The following SGCZ variants were observed in gnomAD, a reference collection of about 807,000 sequenced individuals.
The protein encoded by SGCZ is sarcoglycan zeta.
SGCZ carries 40 observed loss-of-function variants against 41.3 expected under a neutral mutation model. The observed-to-expected ratio is 0.97, with a 90% confidence interval of 0.75 to 1.26. The LOEUF (loss-of-function observed/expected upper bound fraction) is 1.26, where lower values mean the gene tolerates loss of function less well. SGCZ is among the 50% of genes most tolerant of loss of function. The pLI is 0.00. For missense variants in SGCZ, 552 were observed against 369.8 expected (o/e 1.49, Z -4.04); for synonymous variants, 206 against 137.5 (o/e 1.50, Z -3.49).
chr8:15,086,060 A>G (rs1165995584), intron 1 of SGCZ, among the ~76,000 whole-genome samples: 1 of 152,208 alleles, frequency 6.6e-6, no homozygotes, highest in Non-Finnish European at 1.5e-5. Context: ...GTGAAATGTA[A>G]TCGATTTCCA....
intron 1 of SGCZ, among the ~76,000 whole-genome samples, chr8:14,919,152 A>G (rs1414459446): frequency 6.6e-6 from 1 of 152,194 alleles, no homozygotes; most frequent in Non-Finnish European, 1.5e-5. Context: ...AATAAATACA[A>G]TTAAGGCCAG....
intron 2 of SGCZ, among the ~76,000 whole-genome samples, chr8:14,494,672 G>C (rs1439493534): frequency 6.6e-6 from 1 of 152,112 alleles, no homozygotes; most frequent in South Asian, 2.1e-4. Flanking sequence ...TCAAATAGTA[G>C]CATTTGAGAA....
chr8:14,187,390 A>C (rs546594699), intron 4 of SGCZ, among the ~76,000 whole-genome samples: 1 of 152,352 alleles, frequency 6.6e-6, no homozygotes, highest in East Asian at 1.9e-4. Context: ...GAATGAGCAA[A>C]TGTCAGACTT....
chr8:15,035,301 T>C (rs915669330), intron 1 of SGCZ, among the ~76,000 whole-genome samples: 1 of 152,124 alleles, frequency 6.6e-6, no homozygotes, highest in African/African-American at 2.4e-5. Context: ...TATAAAATGC[T>C]TTATATAAGC....
rs367809070 is a variant in SGCZ at position 14,931,527 on chromosome 8, T to C, written c.39+306058A>G. Among the ~76,000 whole-genome samples, 30 of 152,074 alleles carry C rather than the reference T, an allele frequency of 2.0e-4. 1 individual carries two copies. Among genetic ancestry groups the C allele is most frequent in the African/African-American group, 7.0e-4 (29 of 41,396 alleles). The stretch of plus-strand genomic sequence containing the variant: ...AATCAAGAGCAATAACAAAATGACA[T>C]GCAGCATAACCTTGAATTTTTTAGC... On this transcript the variant is annotated intron_variant, in intron 1 of 7. Transcript: ENST00000382080.
intron 3 of SGCZ, among the ~76,000 whole-genome samples, chr8:14,265,238 G>C (rs2117246378): frequency 6.6e-6 from 1 of 152,120 alleles, no homozygotes; most frequent in East Asian, 1.9e-4. Flanking sequence ...CAAGGCGGCA[G>C]TGTTTACCCT....
At chr8:14,239,774 C>T (rs1798797054) in intron 3 of SGCZ, among the ~76,000 whole-genome samples, 5 of 148,502 alleles carry the variant, frequency 3.4e-5, no homozygotes, top group Admixed American at 2.0e-4. Flanking sequence ...TAGTGGCGGG[C>T]GCCTGTAGTC....
intron 1 of SGCZ, among the ~76,000 whole-genome samples, chr8:14,836,338 A>T (rs1786735918): frequency 6.6e-6 from 1 of 152,204 alleles, no homozygotes; most frequent in African/African-American, 2.4e-5. Flanking sequence ...TCATAAGATT[A>T]TTGGGAGAAT....
At chr8:14,953,378 GC>G (rs1018818638) in intron 1 of SGCZ, among the ~76,000 whole-genome samples, 2 of 152,100 alleles carry the variant, frequency 1.3e-5, no homozygotes, top group Non-Finnish European at 1.5e-5. Flanking sequence ...GGGGAAATCT[GC>G]CCCCATGATT....
intron 1 of SGCZ, among the ~76,000 whole-genome samples, chr8:15,236,129 C>T (rs1209884748): frequency 7.2e-5 from 11 of 152,224 alleles, no homozygotes; most frequent in Admixed American, 7.2e-4. Flanking sequence ...CCAGGGAACT[C>T]AGTCTTCGGT....
intron 1 of SGCZ, among the ~76,000 whole-genome samples, chr8:14,664,996 G>A (rs1266862986): frequency 6.6e-6 from 1 of 152,016 alleles, no homozygotes; most frequent in Non-Finnish European, 1.5e-5. Context: ...TTTAGGTGGG[G>A]GAATAAATGG....
At chr8:15,233,407 G>C (rs1401349792) in intron 1 of SGCZ, among the ~76,000 whole-genome samples, 1 of 150,650 alleles carries the variant, frequency 6.6e-6, no homozygotes. Flanking sequence ...TTAAATTGTA[G>C]ATGAATGTAC....
chr8:14,746,280 G>T (rs1375886721), intron 1 of SGCZ, among the ~76,000 whole-genome samples: 3 of 152,014 alleles, frequency 2.0e-5, no homozygotes, highest in African/African-American at 7.2e-5. Flanking sequence ...TTATACACAA[G>T]ATTTTTCACG....
chr8:15,000,523 C>T lies in SGCZ; in HGVS notation c.39+237062G>A, dbSNP rs182403598. Among the ~76,000 whole-genome samples, 351 of 152,246 alleles carry T rather than the reference C, an allele frequency of 2.3e-3. 1 individual carries two copies. The highest frequency in any genetic ancestry group is 3.8e-3 in the Non-Finnish European group (259 of 68,012). On this transcript the variant is annotated intron_variant, in intron 1 of 7. Coordinates refer to ENST00000382080, the MANE Select transcript of SGCZ (RefSeq NM_139167.4). ...AAGTTGAGCTGCAGACATAGACAAG[C>T]AAGCTAGGAGCTTGCATGGGTGAGT... is the stretch of plus-strand genomic sequence containing the variant.
At chr8:14,590,140 A>T (rs2117282304) in intron 1 of SGCZ, among the ~76,000 whole-genome samples, 1 of 152,230 alleles carries the variant, frequency 6.6e-6, no homozygotes, top group African/African-American at 2.4e-5. Context: ...AAGTATTTTT[A>T]TATTTTTACA....
chr8:15,176,569 A>G (rs1800006575), intron 1 of SGCZ, among the ~76,000 whole-genome samples: 1 of 152,266 alleles, frequency 6.6e-6, no homozygotes, highest in African/African-American at 2.4e-5. Flanking sequence ...AATATTTCAT[A>G]GAAGAATTAT....
At chr8:14,387,156 T>C (rs1319481264) in intron 2 of SGCZ, among the ~76,000 whole-genome samples, 1 of 152,178 alleles carries the variant, frequency 6.6e-6, no homozygotes, top group Non-Finnish European at 1.5e-5. Flanking sequence ...CAAGTGATCC[T>C]CCTGCCTCAG....
At chr8:14,679,881 A>T (rs77185144) in intron 1 of SGCZ, among the ~76,000 whole-genome samples, 30,106 of 151,606 alleles carry the variant, frequency 0.2, 3,618 homozygotes, top group East Asian at 0.44. Context: ...GATACTATAT[A>T]TTTTTTATTT....
At chr8:14,304,266 A>T (rs1237683033) in intron 3 of SGCZ, among the ~76,000 whole-genome samples, 1 of 151,886 alleles carries the variant, frequency 6.6e-6, no homozygotes, top group Non-Finnish European at 1.5e-5. Context: ...AACATGGTAA[A>T]TACCGTCTAC....
Sources: allele counts gnomAD v4.1 joint callset (sites outside exome capture counted in the v4.1 genomes callset), GRCh38; gene constraint gnomAD v4.1.1; transcripts MANE v1.5; gene names NCBI Gene and HGNC (gene_info 2026-07-23, HGNC 2026-07-21).